The following CREB1 variants were observed in gnomAD, a reference collection of about 807,000 sequenced individuals.
CREB1 encodes cAMP responsive element binding protein 1.
In CREB1, 2 loss-of-function variants were observed where a neutral mutation model predicts 42.0. The observed-to-expected ratio is 0.05, with a 90% CI of 0.02 to 0.15. CREB1 has a LOEUF of 0.15. CREB1 is among the 10% of genes least tolerant of loss of function. The pLI is 1.00. For missense variants in CREB1, 199 were observed against 388.9 expected (o/e 0.51, Z 4.11); for synonymous variants, 123 against 139.9 (o/e 0.88, Z 0.85).
chr2:207,531,474 C>T (rs1029197488), intron 1 of CREB1, among the ~76,000 whole-genome samples: 6 of 152,104 alleles, frequency 3.9e-5, no homozygotes, highest in Non-Finnish European at 5.9e-5. Context: ...AAGTCATTGA[C>T]ACATTAAAAA....
chr2:207,546,123 A>G (rs948253520), intron 1 of CREB1, among the ~76,000 whole-genome samples: 7 of 152,236 alleles, frequency 4.6e-5, no homozygotes, highest in African/African-American at 1.4e-4. Flanking sequence ...ATTAACTCTG[A>G]TACTTTACTA....
chr2:207,589,457 G>T (rs2084541109), intron 7 of CREB1, among the ~76,000 whole-genome samples: 1 of 152,044 alleles, frequency 6.6e-6, no homozygotes, highest in African/African-American at 2.4e-5. Context: ...CTATTTTAAG[G>T]TCAGCTAATT....
In CREB1 at chr2:207,565,825, A is replaced by G. The variant is rs145780603; in HGVS notation, c.262-1638A>G. The stretch of plus-strand genomic sequence containing the variant: ...TATCAACTTTGAGTTCAGTCTTGTT[A>G]TTCCTTGAATTTCTGATCCTTTCCT... On this transcript the variant is annotated intron_variant, in intron 3 of 7. Transcript: ENST00000353267. Among the ~76,000 whole-genome samples, 538 of 152,276 alleles carry G rather than the reference A, an allele frequency of 3.5e-3. 3 individuals carry two copies. Among genetic ancestry groups the G allele is most frequent in the African/African-American group, 0.012 (483 of 41,560 alleles).
chr2:207,567,414 T>C, intron 3 of CREB1, 49 bp from the exon 4 acceptor site: 1 of 1,343,874 alleles, frequency 7.4e-7, no homozygotes, highest in South Asian at 1.3e-5. Context: ...ATAAAAATTT[T>C]ACAGGAACTA....
At chr2:207,568,292 A>G (rs1418750655) in intron 4 of CREB1, 1 of 152,098 alleles carries the variant, frequency 6.6e-6, no homozygotes, top group Non-Finnish European at 1.5e-5. Flanking sequence ...TGTCCTTACA[A>G]TTAAATTAAG....
At chr2:207,575,201 A>C in intron 5 of CREB1, 71 bp from the exon 6 acceptor site, 1 of 1,423,106 alleles carries the variant, frequency 7.0e-7, no homozygotes. Context: ...AAATTATTCT[A>C]CATTGGATGT....
intron 1 of CREB1, among the ~76,000 whole-genome samples, chr2:207,537,521 C>G (rs1411199064): frequency 6.6e-6 from 1 of 152,124 alleles, no homozygotes; most frequent in South Asian, 2.1e-4. Context: ...ATTAAAGCAG[C>G]AAACTGATAA....
chr2:207,533,102 T>C (rs1043796060), intron 1 of CREB1, among the ~76,000 whole-genome samples: 6 of 151,278 alleles, frequency 4.0e-5, no homozygotes, highest in Non-Finnish European at 8.8e-5. Flanking sequence ...TTTTTTTTCA[T>C]GAACACCTAC....
intron 7 of CREB1, among the ~76,000 whole-genome samples, chr2:207,581,160 C>A (rs1244885095): frequency 6.6e-6 from 1 of 152,002 alleles, no homozygotes; most frequent in African/African-American, 2.4e-5. Context: ...ACTATAAACC[C>A]CCTATTTAGG....
At position 207,597,927 on chromosome 2, in the gene CREB1, A is replaced by G. The variant is rs908558431; in HGVS notation, c.*869A>G. 6 of 185,772 alleles carry G rather than the reference A, an allele frequency of 3.2e-5. No homozygotes were observed. Among genetic ancestry groups the G allele is most frequent in the Admixed American group, 6.2e-5 (1 of 16,064 alleles). The allele number at this position is 185,772 out of a possible 1,614,324, so 11.5% of individuals were successfully genotyped here. A position where few individuals can be genotyped will look rare whatever the true frequency, so the allele number is the denominator to read the frequency against. On this transcript the variant is annotated 3_prime_UTR_variant, in exon 8 of 8. Coordinates refer to ENST00000353267, the MANE Select transcript of CREB1 (RefSeq NM_004379.5). Reference sequence around the variant, plus strand: ...CCTTGAGTTATATAACAAGATTTTTAAATAAATGTTATTGTCCTCACCTTC... The same window carrying G: ...CCTTGAGTTATATAACAAGATTTTTGAATAAATGTTATTGTCCTCACCTTC...
At chr2:207,542,190 G>T (rs1479240317) in intron 1 of CREB1, among the ~76,000 whole-genome samples, 1 of 152,098 alleles carries the variant, frequency 6.6e-6, no homozygotes, top group Admixed American at 6.6e-5. Flanking sequence ...GGAATTTTAT[G>T]GTAACTGTGT....
chr2:207,552,090 T>TA, intron 1 of CREB1, among the ~76,000 whole-genome samples: 1 of 139,060 alleles, frequency 7.2e-6, no homozygotes, highest in East Asian at 2.2e-4. Flanking sequence ...TCCTCTACCC[T>TA]AAAAAGGATT....
intron 3 of CREB1, among the ~76,000 whole-genome samples, chr2:207,565,033 A>C (rs1047424602): frequency 6.8e-6 from 1 of 147,532 alleles, no homozygotes; most frequent in African/African-American, 2.5e-5. Flanking sequence ...ATGTGGGTCC[A>C]GTATGTTTTT....
At position 207,581,661 on chromosome 2, in the gene CREB1, G is replaced by A. The variant is rs745705222; in HGVS notation, c.839+4006G>A. 149 of 461,496 alleles carry A rather than the reference G, an allele frequency of 3.2e-4. 1 individual carries two copies. Among genetic ancestry groups the A allele is most frequent in the Non-Finnish European group, 4.8e-4 (126 of 262,764 alleles). The allele number at this position is 461,496 out of a possible 1,614,324, so 28.6% of individuals were successfully genotyped here. A position where few individuals can be genotyped will look rare whatever the true frequency, so the allele number is the denominator to read the frequency against. On this transcript the variant is annotated intron_variant, in intron 7 of 7. Coordinates refer to ENST00000353267, the MANE Select transcript of CREB1 (RefSeq NM_004379.5). ...AGGAGTTTTAAAAATACAGAGTTCC[G>A]GATACCCTTCATCCAGCTTTCTCTA...
intron 7 of CREB1, among the ~76,000 whole-genome samples, chr2:207,591,099 T>C (rs2084947858): frequency 6.6e-6 from 1 of 152,210 alleles, no homozygotes; most frequent in Non-Finnish European, 1.5e-5. Flanking sequence ...AAGTATCATA[T>C]CAATGTCAGA....
chr2:207,567,364 G>A, intron 3 of CREB1, 99 bp from the exon 4 acceptor site: 4 of 726,608 alleles, frequency 5.5e-6, no homozygotes, highest in Non-Finnish European at 8.9e-6. Context: ...TTCTACTGAA[G>A]CATGTATAAA....
At chr2:207,550,370 C>T (rs2081458433) in intron 1 of CREB1, 1 of 142,362 alleles carries the variant, frequency 7.0e-6, no homozygotes, top group African/African-American at 2.6e-5. Flanking sequence ...AGCATGTGTT[C>T]CATTAGTTAT....
intron 7 of CREB1, among the ~76,000 whole-genome samples, chr2:207,594,054 A>C (rs2085627946): frequency 6.6e-6 from 1 of 152,170 alleles, no homozygotes; most frequent in Non-Finnish European, 1.5e-5. Context: ...AGAAAATATT[A>C]CCATGTCCTT....
intron 6 of CREB1, among the ~76,000 whole-genome samples, chr2:207,576,361 T>G (rs2082601268): frequency 6.6e-6 from 1 of 151,738 alleles, no homozygotes; most frequent in Admixed American, 6.6e-5. Context: ...AATGCCAGGT[T>G]AGAAATTTGC....
Sources: allele counts gnomAD v4.1 joint callset (sites outside exome capture counted in the v4.1 genomes callset), GRCh38; gene constraint gnomAD v4.1.1; transcripts MANE v1.5; gene names NCBI Gene and HGNC (gene_info 2026-07-23, HGNC 2026-07-21).